DOCK3: variants seen among roughly 807,000 people sequenced by gnomAD.
DOCK3 encodes dedicator of cytokinesis protein 3.
Under a neutral mutation model 265.6 loss-of-function variants are expected in DOCK3, and 60 were observed. That is an observed-to-expected ratio of 0.23 (90% CI 0.18 to 0.28). DOCK3 has a LOEUF of 0.28. DOCK3 is among the 10% of genes least tolerant of loss of function. The pLI, the probability that DOCK3 is intolerant of heterozygous loss-of-function variation, is 1.00. For synonymous variants in DOCK3, 881 were observed against 938.0 expected (o/e 0.94, Z 1.11); for missense variants, 1,981 against 2,594.3 (o/e 0.76, Z 5.14).
At chr3:51,337,150 GC>G (rs1353009089) in intron 35 of DOCK3, among the ~76,000 whole-genome samples, 2 of 152,188 alleles carry the variant, frequency 1.3e-5, no homozygotes, top group African/African-American at 4.8e-5. Flanking sequence ...AGAAAGGAGG[GC>G]CTTGGTTCCA....
chr3:50,679,764 C>T (rs1459294233), intron 1 of DOCK3, among the ~76,000 whole-genome samples: 1 of 152,178 alleles, frequency 6.6e-6, no homozygotes, highest in Admixed American at 6.5e-5. Context: ...GGCCCCAATA[C>T]CCCTTTAGAG....
intron 10 of DOCK3, among the ~76,000 whole-genome samples, chr3:51,153,606 A>G (rs1017896049): frequency 2.0e-5 from 3 of 152,234 alleles, no homozygotes; most frequent in African/African-American, 4.8e-5. Flanking sequence ...TGGGAGCTGC[A>G]GACCGGAGCT....
intron 21 of DOCK3, among the ~76,000 whole-genome samples, chr3:51,240,329 G>C (rs1293505287): frequency 6.6e-6 from 1 of 152,134 alleles, no homozygotes; most frequent in African/African-American, 2.4e-5. Flanking sequence ...CAGTGATTTT[G>C]CTGAGGAGTG....
chr3:50,987,486 G>A (rs1356017179), intron 5 of DOCK3, among the ~76,000 whole-genome samples: 3 of 152,140 alleles, frequency 2.0e-5, no homozygotes, highest in African/African-American at 7.2e-5. Flanking sequence ...CCTACCCAGG[G>A]TTACTTTTTA....
chr3:50,762,121 G>T (rs2040570948), intron 1 of DOCK3, among the ~76,000 whole-genome samples: 1 of 152,078 alleles, frequency 6.6e-6, no homozygotes, highest in Non-Finnish European at 1.5e-5. Context: ...TGGGGGCAGC[G>T]GGGAGGGATA....
intron 10 of DOCK3, among the ~76,000 whole-genome samples, chr3:51,157,918 G>T (rs1291793702): frequency 6.9e-6 from 1 of 144,754 alleles, no homozygotes; most frequent in African/African-American, 2.6e-5. Context: ...CCATTCTCCT[G>T]CCTCAGCCTC....
intron 12 of DOCK3, among the ~76,000 whole-genome samples, chr3:51,202,063 G>C (rs1415619560): frequency 6.6e-6 from 1 of 152,016 alleles, no homozygotes; most frequent in Admixed American, 6.6e-5. Context: ...GCCCACAAAA[G>C]AAAGCAGGAA....
In DOCK3 at chr3:50,688,608, G is replaced by A. The variant is rs541208393; in HGVS notation, c.37+13308G>A. 6.6e-5 allele frequency among the ~76,000 whole-genome samples: 10 copies of A among 152,138 alleles called. No homozygotes were observed. The South Asian group carries it at 8.3e-4, about 13-fold the overall frequency. ...CTCCTGAGTAGCTGGGATTATAGGC[G>A]CATGCCACCAAGCCTGACTAATTTT... On this transcript the variant is annotated intron_variant, in intron 1 of 52. Coordinates refer to ENST00000266037, the MANE Select transcript of DOCK3 (RefSeq NM_004947.5).
intron 4 of DOCK3, among the ~76,000 whole-genome samples, chr3:50,922,390 C>G (rs567841508): frequency 7.2e-4 from 110 of 152,342 alleles, no homozygotes; most frequent in African/African-American, 2.6e-3. Flanking sequence ...GTGCTGTTTG[C>G]TAAGACTGTT....
intron 2 of DOCK3, among the ~76,000 whole-genome samples, chr3:50,791,635 A>G (rs749206777): frequency 3.3e-5 from 5 of 152,094 alleles, no homozygotes; most frequent in African/African-American, 4.8e-5. Flanking sequence ...TCCAGTTTCA[A>G]TCTTCTGCAT....
chr3:51,202,336 A>T (rs2088843768), intron 12 of DOCK3, among the ~76,000 whole-genome samples: 1 of 150,862 alleles, frequency 6.6e-6, no homozygotes. Flanking sequence ...TAAAGGGGAT[A>T]TCACCACCGA....
At chr3:51,262,434 G>A (rs1206718871) in intron 23 of DOCK3, among the ~76,000 whole-genome samples, 1 of 151,364 alleles carries the variant, frequency 6.6e-6, no homozygotes, top group East Asian at 1.9e-4. Context: ...AAACACCAAA[G>A]GTAGATAAAT....
At position 50,779,301 on chromosome 3, in the gene DOCK3, C is replaced by T. The variant is rs9817243; in HGVS notation, c.121+543C>T. ...CTTTGAATAGAACTACGTTATAGTC[C>T]ATTTATTTGTATGTTTCCGTCTGAT... On this transcript the variant is annotated intron_variant, in intron 2 of 52. Transcript: ENST00000266037. Among the ~76,000 whole-genome samples, 417 of 152,050 alleles carry T rather than the reference C, an allele frequency of 2.7e-3. 1 individual carries two copies. The highest frequency in any genetic ancestry group is 9.6e-3 in the African/African-American group (399 of 41,496).
At chr3:50,878,720 G>A (rs896347991) in intron 3 of DOCK3, among the ~76,000 whole-genome samples, 2 of 152,140 alleles carry the variant, frequency 1.3e-5, no homozygotes, top group Admixed American at 1.3e-4. Context: ...TATTAACCAG[G>A]AGAATATCCC....
At chr3:51,097,863 A>G (rs2082922303) in intron 9 of DOCK3, among the ~76,000 whole-genome samples, 1 of 152,088 alleles carries the variant, frequency 6.6e-6, no homozygotes, top group African/African-American at 2.4e-5. Context: ...TGGCTAGGGG[A>G]GGGAGTTCCC....
At chr3:50,825,174 A>G (rs1040493609) in intron 2 of DOCK3, among the ~76,000 whole-genome samples, 2 of 152,234 alleles carry the variant, frequency 1.3e-5, no homozygotes, top group Admixed American at 6.5e-5. Flanking sequence ...TGGGATTACA[A>G]TGGAGTATTG....
intron 6 of DOCK3, among the ~76,000 whole-genome samples, chr3:51,072,157 C>CTACT (rs2081901099): frequency 6.6e-6 from 1 of 152,136 alleles, no homozygotes; most frequent in African/African-American, 2.4e-5. Flanking sequence ...TTCTTTATGT[C>CTACT]TAACACCATT....
intron 4 of DOCK3, among the ~76,000 whole-genome samples, chr3:50,910,765 G>A (rs1382598117): frequency 6.6e-6 from 1 of 152,186 alleles, no homozygotes; most frequent in South Asian, 2.1e-4. Flanking sequence ...TCCATGTGCT[G>A]ATGGTGGATG....
At chr3:51,064,620 A>G (rs2081528081) in intron 6 of DOCK3, 24 bp downstream of exon 6, 2 of 1,609,398 alleles carry the variant, frequency 1.2e-6, no homozygotes, top group East Asian at 2.2e-5. Context: ...TTGTTTGGGT[A>G]TCTCTCAGTT....
Sources: gnomAD v4.1 joint callset for allele counts (sites outside exome capture counted in the v4.1 genomes callset) on GRCh38, gnomAD v4.1.1 for gene constraint, MANE v1.5 for transcripts, NCBI Gene and HGNC (gene_info 2026-07-23, HGNC 2026-07-21) for gene names.